Variants in TENM1 observed in about 807,000 individuals in gnomAD.
TENM1 encodes teneurin-1.
Under a neutral mutation model 174.8 loss-of-function variants are expected in TENM1, and 35 were observed. The ratio of observed to expected loss-of-function variants is 0.20; its 90% CI spans 0.15 to 0.27. The LOEUF is 0.27. Among genes scored for constraint, TENM1 ranks in the 10% least tolerant of loss-of-function variants. The pLI is 1.00. For synonymous variants in TENM1, 781 were observed against 798.7 expected, an observed-to-expected ratio of 0.98 and a Z score of 0.37; for missense variants, 1,633 against 2,130.1, an observed-to-expected ratio of 0.77 and a Z score of 4.59.
chrX:125,196,022 G>A, the TENM1 span, among the ~76,000 whole-genome samples: 1 of 105,202 alleles, frequency 9.5e-6, no homozygotes, highest in Non-Finnish European at 1.9e-5. Context: ...ACGAAGGAAG[G>A]AAGGAAGGAA....
intron 1 of TENM1, among the ~76,000 whole-genome samples, chrX:124,953,954 T>C (rs1470403926): frequency 9.0e-6 from 1 of 111,674 alleles, no homozygotes; most frequent in Non-Finnish European, 1.9e-5. Context: ...GCAAGAGCTA[T>C]TTTCAGACTG....
chrX:124,552,497 C>CCCAAAT (rs1379277531), intron 14 of TENM1, among the ~76,000 whole-genome samples: 1 of 110,963 alleles, frequency 9.0e-6, no homozygotes, highest in East Asian at 2.8e-4. Context: ...GATTGGCCTG[C>CCCAAAT]CCAAATCATT....
rs191212687 is a variant in TENM1 at position 124,563,841 on chromosome X, T to C, written c.2264-69A>G. On this transcript the variant is annotated intron_variant, in intron 12 of 31. Transcript: ENST00000422452. ...ACTAAAGCTATACAATATGTACTAA[T>C]GGTTTACCATCTGTTGCCTGGGAGG... 1,490 of 987,082 alleles carry C rather than the reference T, an allele frequency of 1.5e-3. 1 individual carries two copies. Among genetic ancestry groups the C allele is most frequent in the Non-Finnish European group, 1.9e-3 (1,389 of 725,151 alleles). The allele number at this position is 987,082 out of a possible 1,213,427, so 81.3% of individuals were successfully genotyped here. A position where few individuals can be genotyped will look rare whatever the true frequency, so the allele number is the denominator to read the frequency against.
intron 25 of TENM1, among the ~76,000 whole-genome samples, chrX:124,412,585 G>A (rs2060549243): frequency 8.9e-6 from 1 of 112,509 alleles, no homozygotes; most frequent in Non-Finnish European, 1.9e-5. Context: ...ACACTTTCAT[G>A]TCAGAAAGCT....
intron 22 of TENM1, among the ~76,000 whole-genome samples, chrX:124,461,466 C>G (rs1453230939): frequency 8.9e-6 from 1 of 111,863 alleles, no homozygotes; most frequent in Non-Finnish European, 1.9e-5. Context: ...TATTGCAGCA[C>G]TATTCACAAC....
At chrX:124,794,696 T>C (rs2055264067) in intron 3 of TENM1, among the ~76,000 whole-genome samples, 1 of 111,401 alleles carries the variant, frequency 9.0e-6, no homozygotes, top group Non-Finnish European at 1.9e-5. Context: ...TTGCTTAAAC[T>C]CCTTCAGTGG....
chrX:124,520,307 C>A (rs1160015997), intron 18 of TENM1, among the ~76,000 whole-genome samples: 1 of 111,580 alleles, frequency 9.0e-6, no homozygotes, highest in Non-Finnish European at 1.9e-5. Flanking sequence ...ACGCAGCCAT[C>A]ATGAAAGGAG....
chrX:124,492,858 C>T (rs939918760), intron 20 of TENM1, among the ~76,000 whole-genome samples: 1 of 110,341 alleles, frequency 9.1e-6, no homozygotes, highest in African/African-American at 3.3e-5. Flanking sequence ...AATGCGATCC[C>T]TTAAATCACA....
chrX:124,481,530 T>C (rs754830523), intron 22 of TENM1, among the ~76,000 whole-genome samples: 98 of 109,400 alleles, frequency 9.0e-4, no homozygotes, highest in Non-Finnish European at 1.2e-3. Flanking sequence ...ACCATACTAA[T>C]GAATATTGGC....
chrX:124,653,572 A>G lies in TENM1; in HGVS notation c.1368+12T>C. 8.4e-7 allele frequency: 1 copy of G among 1,197,535 alleles called. No homozygotes were observed. Among genetic ancestry groups the G allele is most frequent in the Non-Finnish European group, 1.1e-6 (1 of 883,261 alleles). On this transcript the variant is annotated intron_variant, in intron 7 of 31. Transcript: ENST00000422452. ...GAAAAGGGTTTAAGAAAATACCTAT[A>G]ATATCAAATACCTGAGTATGTGTAG...
Position 124,704,958 on chromosome X carries a change from A to G in TENM1, c.1015+55T>C, listed in dbSNP as rs767103124. The G allele has an allele frequency of 2.5e-5, 25 of 1,003,050 alleles. No homozygotes were observed. The East Asian group carries it at 7.7e-4, about 31-fold the overall frequency. The allele number at this position is 1,003,050 out of a possible 1,213,427, so 82.7% of individuals were successfully genotyped here. On this transcript the variant is annotated intron_variant, in intron 5 of 31. Coordinates refer to ENST00000422452, the Ensembl canonical transcript of TENM1. Reference sequence around the variant, plus strand: ...AGAAAAACCCCCCATTCCCACCACAAGCAAAACAAGACTTTGATTAAGAAC... The same window carrying G: ...AGAAAAACCCCCCATTCCCACCACAGGCAAAACAAGACTTTGATTAAGAAC...
chrX:124,495,901 C>T (rs1276713782), intron 20 of TENM1, among the ~76,000 whole-genome samples: 3 of 102,436 alleles, frequency 2.9e-5, no homozygotes, highest in East Asian at 3.0e-4. Flanking sequence ...AAAAAGAGCC[C>T]GCATCGCCAA....
the TENM1 span, among the ~76,000 whole-genome samples, chrX:125,036,834 C>A: frequency 9.0e-6 from 1 of 111,083 alleles, no homozygotes; most frequent in African/African-American, 3.3e-5. Flanking sequence ...TGACTTCTCC[C>A]AAAGAGTTTA....
chrX:124,593,061 C>G (rs756096448), intron 11 of TENM1, among the ~76,000 whole-genome samples: 1 of 111,432 alleles, frequency 9.0e-6, no homozygotes, highest in East Asian at 2.8e-4. Context: ...GAACTCTGCT[C>G]AGCCCTAGGG....
intron 23 of TENM1, among the ~76,000 whole-genome samples, chrX:124,447,532 ACT>A (rs1219028608): frequency 2.7e-5 from 3 of 111,180 alleles, no homozygotes; most frequent in East Asian, 5.7e-4. Context: ...CTGGTATCTG[ACT>A]CTCATTAATT....
At chrX:124,894,253 T>A (rs908274193) in intron 3 of TENM1, 43 bp downstream of exon 6, 4 of 1,093,418 alleles carry the variant, frequency 3.7e-6, no homozygotes, top group Non-Finnish European at 5.0e-6. Flanking sequence ...AGGGATGGGG[T>A]GAAGTAAAAA....
intron 3 of TENM1, among the ~76,000 whole-genome samples, chrX:124,749,930 C>T (rs1027239803): frequency 9.0e-6 from 1 of 111,541 alleles, no homozygotes; most frequent in Non-Finnish European, 1.9e-5. Context: ...AAATACTTAG[C>T]ATAGTGCCTG....
chrX:125,178,972 T>TAA, the TENM1 span, among the ~76,000 whole-genome samples: 2 of 99,591 alleles, frequency 2.0e-5, no homozygotes, highest in African/African-American at 7.3e-5. Context: ...CCCCATCTCC[T>TAA]AAAAAAAAAA....
chrX:124,789,557 A>G (rs1380499283), intron 3 of TENM1, among the ~76,000 whole-genome samples: 1 of 111,362 alleles, frequency 9.0e-6, no homozygotes, highest in African/African-American at 3.3e-5. Context: ...TCCACCAGAT[A>G]CCCTAAGTCA....
Sources: allele counts gnomAD v4.1 joint callset (sites outside exome capture counted in the v4.1 genomes callset), GRCh38; gene constraint gnomAD v4.1.1; transcripts MANE v1.5; gene names NCBI Gene and HGNC (gene_info 2026-07-23, HGNC 2026-07-21).